The following VWCE variants were observed in gnomAD, a reference collection of about 807,000 sequenced individuals.
The protein encoded by VWCE is von Willebrand factor C and EGF domain-containing protein.
In VWCE, 68 loss-of-function variants were observed where a neutral mutation model predicts 102.9. The ratio of observed to expected loss-of-function variants is 0.66; its 90% CI spans 0.54 to 0.81. The LOEUF (loss-of-function observed/expected upper bound fraction) is 0.81. VWCE is among the 30% of genes least tolerant of loss of function. The pLI, the probability that VWCE is intolerant of heterozygous loss-of-function variation, is 0.00. For synonymous variants in VWCE, 497 were observed against 515.4 expected, an observed-to-expected ratio of 0.96 and a Z score of 0.48; for missense variants, 1,137 against 1,263.6, an observed-to-expected ratio of 0.90 and a Z score of 1.52.
intron 1 of VWCE, among the ~76,000 whole-genome samples, chr11:61,292,225 C>CAA (rs1182596645): frequency 2.6e-5 from 3 of 116,558 alleles, no homozygotes; most frequent in African/African-American, 3.2e-5. Flanking sequence ...CGTCTCAAAA[C>CAA]AAAAAAAAAA....
intron 4 of VWCE, among the ~76,000 whole-genome samples, chr11:61,288,325 C>T (rs976396225): frequency 6.6e-6 from 1 of 152,070 alleles, no homozygotes. Flanking sequence ...GCCAAAGATC[C>T]GCAGCAGCTT....
At chr11:61,271,385 T>A in intron 14 of VWCE, 1 of 310,620 alleles carries the variant, frequency 3.2e-6, no homozygotes, top group Admixed American at 4.1e-5. Context: ...GACCTTGTGA[T>A]CCACCCACCT....
Position 61,258,990 on chromosome 11 carries a change from AGG to A in VWCE, c.2551_2552del (p.Pro851SerfsTer76). ...SPRLSPGPST[P>X]PGAPTLPLAS... ...CTAGAGGTAGAGTGGGGGCTCCTGG[AGG>A]GGTCGAAGGCCCTGGTGAGAGTCGA... On this transcript the variant is annotated frameshift_variant, in exon 20 of 20. Coordinates refer to ENST00000335613, the MANE Select transcript of VWCE (RefSeq NM_152718.2). LOFTEE classifies it low-confidence loss of function (END_TRUNC). 6.2e-7 allele frequency: 1 copy of A among 1,609,884 alleles called. No homozygotes were observed. The highest frequency in any genetic ancestry group is 8.5e-7 in the Non-Finnish European group (1 of 1,177,934).
chr11:61,265,332 TC>T, intron 16 of VWCE, 120 bp from the exon 17 acceptor site: 1 of 917,136 alleles, frequency 1.1e-6, no homozygotes, highest in Non-Finnish European at 1.6e-6. Context: ...GTGGGAGGAG[TC>T]CATGGTGGGG....
chr11:61,292,980 G>A (rs965504903), intron 1 of VWCE, among the ~76,000 whole-genome samples: 2 of 151,928 alleles, frequency 1.3e-5, no homozygotes, highest in Admixed American at 6.6e-5. Context: ...GGTGGCTCAC[G>A]CTTGTAATCC....
chr11:61,291,445 G>A (rs761663681), intron 2 of VWCE, 37 bp downstream of exon 2: 2 of 1,562,686 alleles, frequency 1.3e-6, no homozygotes, highest in South Asian at 1.2e-5. Flanking sequence ...ACACACTGCT[G>A]GAGGAGAAGA....
chr11:61,265,322 G>T, intron 16 of VWCE, 110 bp from the exon 17 acceptor site: 1 of 1,014,854 alleles, frequency 9.9e-7, no homozygotes, highest in Non-Finnish European at 1.4e-6. Flanking sequence ...AATCAACATT[G>T]TGGGAGGAGT....
At chr11:61,276,731 T>C (rs1490655910) in intron 10 of VWCE, 51 bp from the exon 11 acceptor site, 1 of 1,434,228 alleles carries the variant, frequency 7.0e-7, no homozygotes. Flanking sequence ...GGAACAGGGT[T>C]CATTCCCCAT....
In VWCE at chr11:61,280,714, CG is replaced by C. The variant is rs1180976501; in HGVS notation, c.1233del (p.Asp411GlufsTer4). ...CTCACCTTTTCACAGGTCACCTTCC[CG>C]TCCTAGAAGCACAAGCAGGAGTTAG... The part of the protein sequence containing the change: ...EPGCSQCWCE[D>X]GKVTCEKVRC... On this transcript the variant is annotated frameshift_variant and splice_region_variant, in exon 9 of 20. Coordinates refer to ENST00000335613, the MANE Select transcript of VWCE (RefSeq NM_152718.2). LOFTEE classifies it high-confidence loss of function. The C allele has an allele frequency of 1.2e-6, 2 of 1,613,816 alleles. No homozygotes were observed. The highest frequency in any genetic ancestry group is 1.7e-6 in the Non-Finnish European group (2 of 1,180,010).
chr11:61,273,407 A>T, intron 12 of VWCE, 91 bp from the exon 13 acceptor site: 1 of 1,198,362 alleles, frequency 8.3e-7, no homozygotes, highest in East Asian at 2.6e-5. Context: ...GCCTGCCATC[A>T]CCCTCCCGGC....
In VWCE at chr11:61,282,718, C is replaced by G; in HGVS notation, c.658+71G>C. 2.4e-6 allele frequency: 3 copies of G among 1,256,768 alleles called. No homozygotes were observed. In the South Asian group the frequency reaches 3.7e-5, roughly 16 times the overall value. The allele number at this position is 1,256,768 out of a possible 1,614,324, so 77.9% of individuals were successfully genotyped here. On this transcript the variant is annotated intron_variant, in intron 6 of 19. Transcript: ENST00000335613. ...AGTCTAATTGTTAACCTTCCCGGGT[C>G]CCTGGGCTCCCTGTCCATCCTCCTG...
rs1490626889 is a variant in VWCE at position 61,271,768 on chromosome 11, A to G, written c.1700-8T>C. 1.2e-6 allele frequency: 2 copies of G among 1,612,696 alleles called. No homozygotes were observed. Reference sequence around the variant, plus strand: ...TGTCGTCAAGAGAGCAGCCTGGATGAGGACAATGGCAGAGAAAAGACGGCA... The same window carrying G: ...TGTCGTCAAGAGAGCAGCCTGGATGGGGACAATGGCAGAGAAAAGACGGCA... On this transcript the variant is annotated splice_polypyrimidine_tract_variant and splice_region_variant and intron_variant, in intron 13 of 19. Coordinates refer to ENST00000335613, the MANE Select transcript of VWCE (RefSeq NM_152718.2).
intron 11 of VWCE, among the ~76,000 whole-genome samples, chr11:61,275,063 CA>C (rs1234915093): frequency 1.3e-5 from 2 of 152,028 alleles, no homozygotes; most frequent in Admixed American, 6.6e-5. Context: ...TCAACAACAA[CA>C]AAAAAGTCTG....
intron 12 of VWCE, 121 bp downstream of exon 12, chr11:61,274,378 C>T: frequency 2.2e-6 from 2 of 913,894 alleles, no homozygotes; most frequent in Admixed American, 4.4e-5. Context: ...TTTGCTTCCT[C>T]AGTTTCCCTG....
At chr11:61,278,638 C>T (rs1479520701) in intron 9 of VWCE, among the ~76,000 whole-genome samples, 162 bp from the exon 10 acceptor site, 1 of 152,180 alleles carries the variant, frequency 6.6e-6, no homozygotes, top group African/African-American at 2.4e-5. Context: ...TGTGGTCCTG[C>T]AAGGATCAGC....
chr11:61,272,051 C>G (rs976602597), intron 13 of VWCE, among the ~76,000 whole-genome samples: 2 of 152,104 alleles, frequency 1.3e-5, no homozygotes, highest in Non-Finnish European at 2.9e-5. Flanking sequence ...CACACAGATA[C>G]AACAGACACA....
chr11:61,283,166 A>G (rs950861286), intron 5 of VWCE, among the ~76,000 whole-genome samples: 2 of 152,100 alleles, frequency 1.3e-5, no homozygotes, highest in African/African-American at 2.4e-5. Flanking sequence ...CAGTGTGTCT[A>G]TCTCTACCTA....
rs1489639018 is a variant in VWCE at position 61,274,490 on chromosome 11, C to T, written c.1581+9G>A. ...ATTCCACAGGCTTTGGGACGCTCAG[C>T]CACCATACCTGGCAAACACAGGTGG... On this transcript the variant is annotated intron_variant, in intron 12 of 19. Coordinates refer to ENST00000335613, the MANE Select transcript of VWCE (RefSeq NM_152718.2). 6.2e-7 allele frequency: 1 copy of T among 1,611,866 alleles called. No homozygotes were observed. Among genetic ancestry groups the T allele is most frequent in the Non-Finnish European group, 8.5e-7 (1 of 1,179,092 alleles).
intron 16 of VWCE, among the ~76,000 whole-genome samples, chr11:61,266,874 G>A (rs780559798): frequency 2.6e-5 from 4 of 152,220 alleles, no homozygotes; most frequent in Non-Finnish European, 5.9e-5. Context: ...TTCTGGGTTT[G>A]TGCGTTTCAC....
Sources: allele counts gnomAD v4.1 joint callset (sites outside exome capture counted in the v4.1 genomes callset), GRCh38; gene constraint gnomAD v4.1.1; transcripts MANE v1.5; gene names NCBI Gene and HGNC (gene_info 2026-07-23, HGNC 2026-07-21).